MSRA: variants seen among roughly 807,000 people sequenced by gnomAD.
MSRA encodes the protein methionine sulfoxide reductase A.
A neutral mutation model predicts 31.3 loss-of-function variants in MSRA; 54 were observed. That is an observed-to-expected ratio of 1.73 (90% CI 1.39 to 2.17). MSRA has a LOEUF of 2.17. MSRA is among the 30% of genes most tolerant of loss of function. The pLI is 0.00. For synonymous variants in MSRA, 169 were observed against 116.5 expected, an observed-to-expected ratio of 1.45 and a Z score of -2.90; for missense variants, 507 against 300.9, an observed-to-expected ratio of 1.69 and a Z score of -5.07.
intron 1 of MSRA, among the ~76,000 whole-genome samples, chr8:10,142,915 T>A (rs1042370112): frequency 6.6e-6 from 1 of 152,212 alleles, no homozygotes; most frequent in Non-Finnish European, 1.5e-5. Context: ...AAAACTCTAA[T>A]TGAAAATTAA....
intron 1 of MSRA, among the ~76,000 whole-genome samples, chr8:10,060,405 A>G (rs1463413463): frequency 1.3e-5 from 2 of 152,352 alleles, no homozygotes; most frequent in African/African-American, 2.4e-5. Flanking sequence ...ACAGAAGGGA[A>G]AATAATATGT....
At chr8:10,089,136 T>G (rs1798731769) in intron 1 of MSRA, among the ~76,000 whole-genome samples, 1 of 76,898 alleles carries the variant, frequency 1.3e-5, no homozygotes, top group African/African-American at 3.9e-5. Context: ...GCTGCTTTTG[T>G]CCCACACACA....
At chr8:10,113,612 A>G (rs760470433) in intron 1 of MSRA, among the ~76,000 whole-genome samples, 2 of 151,964 alleles carry the variant, frequency 1.3e-5, no homozygotes, top group African/African-American at 2.4e-5. Flanking sequence ...GGTACTGGCC[A>G]TTAAGAAAGA....
chr8:10,208,834 T>C (rs1458593134), intron 2 of MSRA, among the ~76,000 whole-genome samples: 2 of 152,256 alleles, frequency 1.3e-5, no homozygotes, highest in Non-Finnish European at 2.9e-5. Flanking sequence ...TGCTCTGGTC[T>C]TGATGGTAAT....
chr8:10,229,165 A>C (rs1811251528), intron 2 of MSRA, among the ~76,000 whole-genome samples: 1 of 152,174 alleles, frequency 6.6e-6, no homozygotes. Flanking sequence ...AGAGACACAC[A>C]CTCACCTGCC....
chr8:10,226,454 C>T (rs546248031), intron 2 of MSRA, among the ~76,000 whole-genome samples: 46 of 152,304 alleles, frequency 3.0e-4, no homozygotes, highest in Middle Eastern at 3.4e-3. Context: ...ATATGTCCTA[C>T]ATTTTCTCTT....
chr8:10,426,302 T>C (rs904464643), intron 5 of MSRA, among the ~76,000 whole-genome samples: 2 of 152,206 alleles, frequency 1.3e-5, no homozygotes, highest in Non-Finnish European at 2.9e-5. Context: ...CTGGATGGAT[T>C]CTACAGAAGG....
chr8:10,081,180 C>G (rs1798274776), intron 1 of MSRA, among the ~76,000 whole-genome samples: 1 of 152,142 alleles, frequency 6.6e-6, no homozygotes, highest in Non-Finnish European at 1.5e-5. Flanking sequence ...CAGGAGGCAT[C>G]ATATAAGAAC....
intron 1 of MSRA, among the ~76,000 whole-genome samples, chr8:10,110,887 A>G (rs1270755407): frequency 6.6e-6 from 1 of 152,168 alleles, no homozygotes; most frequent in Non-Finnish European, 1.5e-5. Flanking sequence ...TATTCCACCA[A>G]TCAGACAGGA....
In MSRA at chr8:10,139,468, G is replaced by A. The variant is rs1007919119; in HGVS notation, c.143-68365G>A. 5.9e-5 allele frequency among the ~76,000 whole-genome samples: 9 copies of A among 152,110 alleles called. 1 individual carries two copies. Among genetic ancestry groups the A allele is most frequent in the African/African-American group, 1.4e-4 (6 of 41,398 alleles). On this transcript the variant is annotated intron_variant, in intron 1 of 5. Coordinates refer to ENST00000317173, the MANE Select transcript of MSRA (RefSeq NM_012331.5). ...GTGAAGCCTGGGCTTTACTGTAGCC[G>A]TCACCCAAACAGTGTGCATTGTATC...
In MSRA at chr8:10,054,603, C is replaced by T. The variant is rs1039877707; in HGVS notation, c.87C>T (p.Asn29=). 5 of 1,580,538 alleles carry T rather than the reference C, an allele frequency of 3.2e-6. No individual in the cohort carries two copies. Among genetic ancestry groups the T allele is most frequent in the Non-Finnish European group, 4.3e-6 (5 of 1,163,968 alleles). ...CGAGGATGGGCAACTCGGCCTCGAA[C>T]ATCGTCAGCCCCCAGGAGGCCTTGC... ...PVPRMGNSAS[N]IVSPQEALPG... is the part of the protein sequence containing the mutation. The change falls in exon 1 of 6, where the codon AAC becomes AAT. Residue 29 remains asparagine, a synonymous_variant. Coordinates refer to ENST00000317173, the MANE Select transcript of MSRA (RefSeq NM_012331.5).
chr8:10,184,785 A>C (rs1413530236), intron 1 of MSRA, among the ~76,000 whole-genome samples: 2 of 152,196 alleles, frequency 1.3e-5, no homozygotes, highest in Non-Finnish European at 2.9e-5. Context: ...CAAAGGACAC[A>C]CAGTCGTATA....
At chr8:10,162,369 A>G (rs1346558651) in intron 1 of MSRA, among the ~76,000 whole-genome samples, 1 of 152,178 alleles carries the variant, frequency 6.6e-6, no homozygotes, top group African/African-American at 2.4e-5. Context: ...GAGTCTGGCC[A>G]TCTGTAGCCC....
intron 1 of MSRA, chr8:10,095,806 G>C: frequency 8.1e-7 from 1 of 1,228,758 alleles, no homozygotes; most frequent in Non-Finnish European, 1.0e-6. Context: ...CCAGTATTAA[G>C]GGAAATAAAA....
chr8:10,218,332 G>A (rs1202891103), intron 2 of MSRA, among the ~76,000 whole-genome samples: 1 of 151,774 alleles, frequency 6.6e-6, no homozygotes, highest in Admixed American at 6.6e-5. Flanking sequence ...TTTTAGTAGG[G>A]ATGGGGTTTC....
At chr8:10,269,832 T>C (rs1798935807) in intron 3 of MSRA, among the ~76,000 whole-genome samples, 1 of 152,170 alleles carries the variant, frequency 6.6e-6, no homozygotes, top group Non-Finnish European at 1.5e-5. Context: ...TTTGTATTTT[T>C]AGTAGAGACG....
chr8:10,070,649 C>T (rs1028148986), intron 1 of MSRA, among the ~76,000 whole-genome samples: 1 of 152,174 alleles, frequency 6.6e-6, no homozygotes, highest in Non-Finnish European at 1.5e-5. Flanking sequence ...CCACATTGAC[C>T]TTCTTCCTCA....
intron 1 of MSRA, among the ~76,000 whole-genome samples, chr8:10,176,086 G>A (rs974350067): frequency 1.3e-5 from 2 of 152,200 alleles, no homozygotes; most frequent in Admixed American, 6.5e-5. Flanking sequence ...GATGAGAATA[G>A]GACCTATTAG....
At chr8:10,229,347 A>C (rs1043146530) in intron 2 of MSRA, among the ~76,000 whole-genome samples, 2 of 152,210 alleles carry the variant, frequency 1.3e-5, no homozygotes, top group African/African-American at 4.8e-5. Context: ...TGATAACCAA[A>C]GAGTTTTATG....
Sources: allele counts gnomAD v4.1 joint callset (sites outside exome capture counted in the v4.1 genomes callset), GRCh38; gene constraint gnomAD v4.1.1; transcripts MANE v1.5; gene names NCBI Gene and HGNC (gene_info 2026-07-23, HGNC 2026-07-21).